The following GALNT14 variants were observed in gnomAD, a reference collection of about 807,000 sequenced individuals.
GALNT14 encodes the protein UDP-GalNAc:polypeptide N-acetylgalactosaminyltransferase 14.
A neutral mutation model predicts 77.5 loss-of-function variants in GALNT14; 60 were observed. The ratio of observed to expected loss-of-function variants is 0.77; its 90% CI spans 0.63 to 0.96. The LOEUF (loss-of-function observed/expected upper bound fraction) is 0.96, where lower values mean the gene tolerates loss of function less well. GALNT14 is among the 40% of genes least tolerant of loss of function. GALNT14 has a pLI of 0.00. For synonymous variants in GALNT14, 280 were observed against 281.7 expected, an observed-to-expected ratio of 0.99 and a Z score of 0.06; for missense variants, 710 against 731.0, an observed-to-expected ratio of 0.97 and a Z score of 0.33.
At chr2:31,000,892 G>A (rs910318503) in intron 1 of GALNT14, among the ~76,000 whole-genome samples, 1 of 152,186 alleles carries the variant, frequency 6.6e-6, no homozygotes, top group Non-Finnish European at 1.5e-5. Flanking sequence ...ACTAGTGAGT[G>A]AGGGGTACCT....
intron 1 of GALNT14, among the ~76,000 whole-genome samples, chr2:31,027,609 C>A (rs554787352): frequency 2.0e-5 from 3 of 152,078 alleles, no homozygotes; most frequent in Non-Finnish European, 4.4e-5. Context: ...AAACCTGGTA[C>A]GTGGAGGCCA....
intron 1 of GALNT14, among the ~76,000 whole-genome samples, chr2:31,077,499 C>G (rs561534225): frequency 6.6e-6 from 1 of 152,280 alleles, no homozygotes; most frequent in African/African-American, 2.4e-5. Context: ...ATATTTCTTT[C>G]CCCATCTTCA....
At chr2:31,038,171 T>C (rs1423376077) in intron 1 of GALNT14, among the ~76,000 whole-genome samples, 1 of 144,756 alleles carries the variant, frequency 6.9e-6, no homozygotes, top group East Asian at 2.1e-4. Flanking sequence ...CTCAGCTTAC[T>C]GCAACCCCCG....
chr2:30,900,242 A>G, the GALNT14 span, among the ~76,000 whole-genome samples: 1 of 152,198 alleles, frequency 6.6e-6, no homozygotes, highest in African/African-American at 2.4e-5. Context: ...GTTTATAAGA[A>G]TAAATTCTGT....
At chr2:31,119,735 T>C (rs1156233220) in intron 1 of GALNT14, among the ~76,000 whole-genome samples, 1 of 152,226 alleles carries the variant, frequency 6.6e-6, no homozygotes, top group Non-Finnish European at 1.5e-5. Flanking sequence ...TAAGAATATG[T>C]GTACATAGAT....
At chr2:31,101,360 T>G (rs1677264800) in intron 1 of GALNT14, among the ~76,000 whole-genome samples, 1 of 152,166 alleles carries the variant, frequency 6.6e-6, no homozygotes, top group South Asian at 2.1e-4. Context: ...GATTTCCATG[T>G]GTGCCTACTT....
At chr2:30,964,656 TGTCTAAACAGCAGACAGGGCTG>T (rs1667887464) in intron 3 of GALNT14, among the ~76,000 whole-genome samples, 1 of 152,158 alleles carries the variant, frequency 6.6e-6, no homozygotes, top group Admixed American at 6.5e-5. Context: ...TTGCCAAGGA[TGTCTAAACAGCAGACAGGGCTG>T]TCCCCTTGGA....
chr2:31,114,412 G>A (rs1302801083), intron 1 of GALNT14, among the ~76,000 whole-genome samples: 4 of 152,124 alleles, frequency 2.6e-5, no homozygotes. Context: ...AATAATAATA[G>A]CACTTAACGG....
intron 1 of GALNT14, among the ~76,000 whole-genome samples, chr2:31,089,577 G>T (rs1676626775): frequency 1.3e-5 from 2 of 151,942 alleles, no homozygotes; most frequent in African/African-American, 2.4e-5. Context: ...CCTGAAGCTT[G>T]GTCCGTTTTC....
intron 8 of GALNT14, among the ~76,000 whole-genome samples, chr2:30,944,091 C>T (rs1666539379): frequency 6.6e-6 from 1 of 152,230 alleles, no homozygotes; most frequent in African/African-American, 2.4e-5. Context: ...TATCCTCCTG[C>T]TGCCCTGCCT....
At chr2:31,111,312 G>A (rs1314874454) in intron 1 of GALNT14, among the ~76,000 whole-genome samples, 2 of 152,320 alleles carry the variant, frequency 1.3e-5, no homozygotes, top group East Asian at 1.9e-4. Flanking sequence ...GCAGGACTTC[G>A]CAAGTCTCCA....
the GALNT14 span, among the ~76,000 whole-genome samples, chr2:30,888,272 T>G: frequency 6.6e-6 from 1 of 152,146 alleles, no homozygotes; most frequent in Non-Finnish European, 1.5e-5. Flanking sequence ...CAAAAAAAGA[T>G]TGCATCAATA....
chr2:30,995,095 A>G (rs931891257), intron 1 of GALNT14, among the ~76,000 whole-genome samples: 47 of 143,316 alleles, frequency 3.3e-4, no homozygotes, highest in African/African-American at 1.2e-3. Context: ...AAGGCAGTAT[A>G]TTAGTCAGGG....
chr2:30,891,838 T>A, the GALNT14 span, among the ~76,000 whole-genome samples: 1 of 152,090 alleles, frequency 6.6e-6, no homozygotes, highest in Non-Finnish European at 1.5e-5. Context: ...AGGCTTTGGT[T>A]TATCAAAAGC....
chr2:30,961,058 G>A lies in GALNT14; in HGVS notation c.399-2594C>T, dbSNP rs149292863. Among the ~76,000 whole-genome samples, 594 of 152,372 alleles carry A rather than the reference G, an allele frequency of 3.9e-3. 3 individuals carry two copies. The highest frequency in any genetic ancestry group is 0.015 in the South Asian group (71 of 4,828). ...GGCCCTCAAGGAGCCCCCAGAGGCCGCAGGGCAGCGTGGGCAGTGTAGGCT... is the reference window on the plus strand; with the variant it reads ...GGCCCTCAAGGAGCCCCCAGAGGCCACAGGGCAGCGTGGGCAGTGTAGGCT... On this transcript the variant is annotated intron_variant, in intron 3 of 14. Coordinates refer to ENST00000349752, the MANE Select transcript of GALNT14 (RefSeq NM_024572.4).
intron 9 of GALNT14, among the ~76,000 whole-genome samples, chr2:30,934,930 A>G (rs551610700): frequency 6.6e-6 from 1 of 152,072 alleles, no homozygotes; most frequent in Admixed American, 6.6e-5. Context: ...CACCCAAGAC[A>G]TCTCCTATGC....
At position 30,910,482 on chromosome 2, in the gene GALNT14, T is replaced by G. The variant is rs1440583657; in HGVS notation, c.*419A>C. The G allele has an allele frequency of 6.3e-6, 1 of 159,422 alleles. No individual in the cohort carries two copies. Among genetic ancestry groups the G allele is most frequent in the Admixed American group, 6.3e-5 (1 of 15,940 alleles). The allele number at this position is 159,422 out of a possible 1,614,324, so 9.9% of individuals were successfully genotyped here. On this transcript the variant is annotated 3_prime_UTR_variant, in exon 15 of 15. Transcript: ENST00000349752. ...GCAAGAGATGTCCAGAGACAACTTC[T>G]AAGTTTCTCTTTATTTCTTTTGGAA...
At chr2:30,968,938 A>G (rs60650227) in intron 2 of GALNT14, among the ~76,000 whole-genome samples, 3,548 of 152,180 alleles carry the variant, frequency 0.023, 147 homozygotes, top group East Asian at 0.21. Flanking sequence ...GCTCGTAGGT[A>G]GTTGAGGTGG....
At chr2:31,086,324 C>T (rs1161360757) in intron 1 of GALNT14, among the ~76,000 whole-genome samples, 1 of 152,182 alleles carries the variant, frequency 6.6e-6, no homozygotes. Context: ...CTTGGGACTG[C>T]CCTACTGAGC....
Sources: gnomAD v4.1 joint callset for allele counts (sites outside exome capture counted in the v4.1 genomes callset) on GRCh38, gnomAD v4.1.1 for gene constraint, MANE v1.5 for transcripts, NCBI Gene and HGNC (gene_info 2026-07-23, HGNC 2026-07-21) for gene names.